Variants in TAGAP observed in about 807,000 individuals in gnomAD.
TAGAP encodes T cell activation RhoGTPase activating protein, also known as T-cell activation Rho GTPase-activating protein.
A neutral mutation model predicts 36.0 loss-of-function variants in TAGAP; 16 were observed. That is an observed-to-expected ratio of 0.44 (90% confidence interval 0.30 to 0.68). The LOEUF (loss-of-function observed/expected upper bound fraction) is 0.68. Among genes scored for constraint, TAGAP ranks in the 30% least tolerant of loss-of-function variants. The pLI, the probability that TAGAP is intolerant of heterozygous loss-of-function variation, is 0.09. For synonymous variants in TAGAP, 372 were observed against 377.4 expected, an observed-to-expected ratio of 0.99 and a Z score of 0.17; for missense variants, 794 against 921.5, an observed-to-expected ratio of 0.86 and a Z score of 1.79.
At position 159,041,152 on chromosome 6, in the gene TAGAP, A is replaced by G. The variant is rs1000953049; in HGVS notation, c.477+202T>C. 4 of 691,404 alleles carry G rather than the reference A, an allele frequency of 5.8e-6. No homozygotes were observed. The highest frequency in any genetic ancestry group is 5.4e-5 in the African/African-American group (3 of 55,484). The allele number at this position is 691,404 out of a possible 1,614,324, so 42.8% of individuals were successfully genotyped here. Reference sequence around the variant, plus strand: ...CTTGGCAAAGTTTTGGGAGAGCAGAATGCATCACTTTCTGTTGGAATCTGA... The same window carrying G: ...CTTGGCAAAGTTTTGGGAGAGCAGAGTGCATCACTTTCTGTTGGAATCTGA... On this transcript the variant is annotated intron_variant, in intron 6 of 9. Coordinates refer to ENST00000367066, the MANE Select transcript of TAGAP (RefSeq NM_054114.5). This position sits in a 1 kb window ranked among gnomAD's most constrained non-coding sequence, Gnocchi z 4.1.
chr6:159,044,318 T>C (rs1779859342), intron 1 of TAGAP, 114 bp from the exon 2 acceptor site: 4 of 625,780 alleles, frequency 6.4e-6, no homozygotes, highest in Non-Finnish European at 1.0e-5. Context: ...TCTCTTTTGC[T>C]ATTTTTTCAC....
intron 1 of TAGAP, 85 bp downstream of exon 1, chr6:159,044,794 G>A (rs1439425723): frequency 2.5e-6 from 1 of 396,570 alleles, no homozygotes; most frequent in African/African-American, 2.1e-5. Context: ...CGGGATAGCT[G>A]TTTTCTGTTG....
In TAGAP at chr6:159,035,945, G is replaced by T; in HGVS notation, c.2078C>A (p.Pro693Gln). 2 of 1,614,196 alleles carry T rather than the reference G, an allele frequency of 1.2e-6. No individual in the cohort carries two copies. The highest frequency in any genetic ancestry group is 1.7e-6 in the Non-Finnish European group (2 of 1,180,020). The stretch of plus-strand genomic sequence containing the variant: ...CACGGACTCGGAGACGGTCCTCAGC[G>T]GGAGGAGCTCAGGTCTCCCTGGGCC... ...VSGPGRPELLPLRTVSESVQR... is the reference protein window; with the variant it reads ...VSGPGRPELLQLRTVSESVQR... The change falls in exon 10 of 10, where the codon CCG (proline) becomes CAG (glutamine). Residue 693 changes from proline to glutamine, a missense_variant. Coordinates refer to ENST00000367066, the MANE Select transcript of TAGAP (RefSeq NM_054114.5).
rs1387920025 is a variant in TAGAP at position 159,036,656 on chromosome 6, A to AC, written c.1366dup (p.Val456GlyfsTer15). 6.2e-7 allele frequency: 1 copy of AC among 1,614,072 alleles called. No individual in the cohort carries two copies. Among genetic ancestry groups the AC allele is most frequent in the South Asian group, 1.1e-5 (1 of 91,080 alleles). ...CGAGCTGCTGGAGAAGGCTTTGAGA[A>AC]CCAGTGCCCGCGGGAGCACCGAACC... On this transcript the variant is annotated frameshift_variant, in exon 10 of 10. Transcript: ENST00000367066. LOFTEE classifies it low-confidence loss of function (END_TRUNC). The surrounding 1 kb of genome is among the most constrained non-coding windows in gnomAD (Gnocchi z 4.9).
In TAGAP at chr6:159,035,888, C is replaced by T. The variant is rs759308422; in HGVS notation, c.2135G>A (p.Arg712Gln). ...QRNKRDCLVRRCSQPVFEADQ... is the reference protein window; with the variant it reads ...QRNKRDCLVRQCSQPVFEADQ... Reference sequence around the variant, plus strand: ...AGCCTCAAAGACCGGCTGGCTACATCGTCGCACGAGACAGTCCCGCTTATT... The same window carrying T: ...AGCCTCAAAGACCGGCTGGCTACATTGTCGCACGAGACAGTCCCGCTTATT... The change falls in exon 10 of 10, where the codon CGA becomes CAA. Residue 712 changes from arginine to glutamine, a missense_variant. Transcript: ENST00000367066. 6.8e-6 allele frequency: 11 copies of T among 1,612,038 alleles called. No individual in the cohort carries two copies. Among genetic ancestry groups the T allele is most frequent in the Admixed American group, 3.3e-5 (2 of 59,978 alleles).
At chr6:159,038,803 C>A in intron 8 of TAGAP, 1 of 794,838 alleles carries the variant, frequency 1.3e-6, no homozygotes, top group Non-Finnish European at 1.7e-6. Context: ...AGTAGTGTCC[C>A]AGATTGATAG....
chr6:159,036,453 G>T lies in TAGAP; in HGVS notation c.1570C>A (p.Leu524Ile). ...APHKKVLTKN[L>I]SAGSGKSQDF... ...TGCGATTTCCCAGAGCCCGCGCTGA[G>T]GTTTTTGGTCAGCACTTTTTTGTGA... Residue 524 changes from leucine (L) to isoleucine (I), a missense_variant, in exon 10 of 10, where the codon CTC becomes ATC. By Grantham distance (5) the Leu-to-Ile change is conservative. Transcript: ENST00000367066. This position sits in a 1 kb window ranked among gnomAD's most constrained non-coding sequence, Gnocchi z 4.9. 6.2e-7 allele frequency: 1 copy of T among 1,614,110 alleles called. No individual in the cohort carries two copies. Among genetic ancestry groups the T allele is most frequent in the Non-Finnish European group, 8.5e-7 (1 of 1,180,016 alleles).
intron 7 of TAGAP, among the ~76,000 whole-genome samples, 191 bp from the exon 8 acceptor site, chr6:159,039,500 G>A (rs566408127): frequency 6.6e-6 from 1 of 152,270 alleles, no homozygotes; most frequent in African/African-American, 2.4e-5. Context: ...TAACCACAAG[G>A]TCTTGAGGAG....
rs1440251486 is a variant in TAGAP, at chr6:159,037,917, G to A, written c.898+197C>T. 6.6e-6 allele frequency among the ~76,000 whole-genome samples: 1 copy of A among 152,152 alleles called. No homozygotes were observed. The highest frequency in any genetic ancestry group is 1.5e-5 in the Non-Finnish European group (1 of 68,024). ...CTGGGAAGGGGGAAAGACTATCTGT[G>A]GTCTGAGGAGGCGCTGCAGGAAAAG... On this transcript the variant is annotated intron_variant, in intron 9 of 9. Coordinates refer to ENST00000367066, the MANE Select transcript of TAGAP (RefSeq NM_054114.5). This position sits in a 1 kb window ranked among gnomAD's most constrained non-coding sequence, Gnocchi z 5.1.
Position 159,036,800 on chromosome 6 carries a change from C to G in TAGAP, c.1223G>C (p.Arg408Pro). 1.2e-6 allele frequency: 2 copies of G among 1,614,212 alleles called. No homozygotes were observed. Among genetic ancestry groups the G allele is most frequent in the Non-Finnish European group, 8.5e-7 (1 of 1,180,036 alleles). ...CTCACTTTCCAAACGAGAGCCTACC[C>G]GGGGCACGGGGAAGTCCCCTTCACT... ...TKSEGDFPVP[R>P]VGSRLESEEA... Residue 408 changes from arginine to proline, a missense_variant, in exon 10 of 10, where the codon CGG (arginine) becomes CCG (proline). Transcript: ENST00000367066. This position sits in a 1 kb window ranked among gnomAD's most constrained non-coding sequence, Gnocchi z 4.9.
chr6:159,037,066 G>A lies in TAGAP; in HGVS notation c.957C>T (p.Ser319=). 6.2e-7 allele frequency: 1 copy of A among 1,612,878 alleles called. No individual in the cohort carries two copies. Among genetic ancestry groups the A allele is most frequent in the Non-Finnish European group, 8.5e-7 (1 of 1,180,036 alleles). ...GAGAGCTGATGCCACTGCTGCTGTT[G>A]GATTCCACATCAGGGTCGTTGCTGT... The part of the protein sequence containing the change: ...AYDSNDPDVE[S]NSSSGISSPS... Residue 319 remains serine (S), a synonymous_variant, in exon 10 of 10, where the codon TCC becomes TCT. Coordinates refer to ENST00000367066, the MANE Select transcript of TAGAP (RefSeq NM_054114.5). This position sits in a 1 kb window ranked among gnomAD's most constrained non-coding sequence, Gnocchi z 5.1.
In TAGAP at chr6:159,044,908, T is replaced by A. The variant is rs1227766185; in HGVS notation, c.-88A>T. 2.5e-6 allele frequency: 1 copy of A among 398,570 alleles called. No homozygotes were observed. Among genetic ancestry groups the A allele is most frequent in the Admixed American group, 4.4e-5 (1 of 22,704 alleles). 24.7% of individuals were successfully genotyped at this position (398,570 alleles called of 1,614,324 possible). Reference sequence around the variant, plus strand: ...GGAGGGTCTCTAGCCAGAGTTCTTTTACATCCGGTGAGCTGTAAAGAATGG... The same window carrying A: ...GGAGGGTCTCTAGCCAGAGTTCTTTAACATCCGGTGAGCTGTAAAGAATGG... On this transcript the variant is annotated 5_prime_UTR_variant, in exon 1 of 10. It removes the in-frame stop codon of an upstream open reading frame in the 5' UTR. Coordinates refer to ENST00000367066, the MANE Select transcript of TAGAP (RefSeq NM_054114.5).
chr6:159,040,788 G>T lies in TAGAP; in HGVS notation c.522C>A (p.Leu174=). Residue 174 remains leucine, a synonymous_variant, in exon 7 of 10, where the codon CTC becomes CTA. Coordinates refer to ENST00000367066, the MANE Select transcript of TAGAP (RefSeq NM_054114.5). ...SIPRKLLSSD[L]FEEWMGALEM... is the part of the protein sequence containing the mutation. ...CCAGAGCACCCATCCACTCCTCAAA[G>T]AGGTCGCTTGAAAGTAGCTTCCGGG... 1 of 1,614,178 alleles carries T rather than the reference G, an allele frequency of 6.2e-7. No individual in the cohort carries two copies. The highest frequency in any genetic ancestry group is 1.1e-5 in the South Asian group (1 of 91,088).
In TAGAP at chr6:159,036,228, C is replaced by T. The variant is rs755749973; in HGVS notation, c.1795G>A (p.Ala599Thr). Residue 599 changes from alanine (A) to threonine (T), a missense_variant, in exon 10 of 10, where the codon GCC becomes ACC. By Grantham distance (58) the Ala-to-Thr change is moderately conservative (BLOSUM62 0). Coordinates refer to ENST00000367066, the MANE Select transcript of TAGAP (RefSeq NM_054114.5). The surrounding 1 kb of genome is among the most constrained non-coding windows in gnomAD (Gnocchi z 4.9). Reference sequence around the variant, plus strand: ...AGTCTGGCTGCCGGGCCCTGCATGGCCTCTTCATAAGAGGGTGGGCTTCCA... The same window carrying T: ...AGTCTGGCTGCCGGGCCCTGCATGGTCTCTTCATAAGAGGGTGGGCTTCCA... ...RPGSPPSYEE[A>T]MQGPAARLVA... 3.7e-6 allele frequency: 6 copies of T among 1,611,734 alleles called. No homozygotes were observed. Among genetic ancestry groups the T allele is most frequent in the South Asian group, 1.1e-5 (1 of 91,062 alleles).
At chr6:159,044,672 A>G (rs1387350704) in intron 1 of TAGAP, among the ~76,000 whole-genome samples, 3 of 152,072 alleles carry the variant, frequency 2.0e-5, no homozygotes, top group Non-Finnish European at 4.4e-5. Context: ...ATGCTAAAAT[A>G]GTAAACATGA....
Position 159,035,729 on chromosome 6 carries a change from G to A in TAGAP, c.*98C>T, listed in dbSNP as rs1195930365. ...GGGCTTTCCACAACTTTCTCAAGGA[G>A]CTTATTCAAGACCTTTTAAAAACAA... On this transcript the variant is annotated 3_prime_UTR_variant, in exon 10 of 10. Coordinates refer to ENST00000367066, the MANE Select transcript of TAGAP (RefSeq NM_054114.5). 3 of 1,274,958 alleles carry A rather than the reference G, an allele frequency of 2.4e-6. No individual in the cohort carries two copies. The highest frequency in any genetic ancestry group is 2.5e-5 in the East Asian group (1 of 40,260). 79.0% of individuals were successfully genotyped at this position (1,274,958 alleles called of 1,614,324 possible).
In TAGAP at chr6:159,035,720, T is replaced by C. The variant is rs1779501893; in HGVS notation, c.*107A>G. ...CACTGAGGAGGGCTTTCCACAACTT[T>C]CTCAAGGAGCTTATTCAAGACCTTT... is the stretch of plus-strand genomic sequence containing the variant. On this transcript the variant is annotated 3_prime_UTR_variant, in exon 10 of 10. Coordinates refer to ENST00000367066, the MANE Select transcript of TAGAP (RefSeq NM_054114.5). The C allele has an allele frequency of 8.3e-7, 1 of 1,210,582 alleles. No individual in the cohort carries two copies. The highest frequency in any genetic ancestry group is 1.5e-5 in the African/African-American group (1 of 65,884). 75.0% of individuals were successfully genotyped at this position (1,210,582 alleles called of 1,614,324 possible).
rs751052061 is a variant in TAGAP at position 159,042,143 on chromosome 6, A to T, written c.250T>A (p.Ser84Thr). The part of the protein sequence containing the change: ...SGALETDLKA[S>T]LFDQPLSIIC... Reference sequence around the variant, plus strand: ...ATTGACAAGGGCTGATCAAATAGCGATGCTTTCAAGTCTGTCTCCAAAGCC... The same window carrying T: ...ATTGACAAGGGCTGATCAAATAGCGTTGCTTTCAAGTCTGTCTCCAAAGCC... The change falls in exon 5 of 10, where the codon TCG becomes ACG. Residue 84 changes from serine to threonine, a missense_variant. Ser to Thr is a moderately conservative substitution (Grantham distance 58). Transcript: ENST00000367066. 1.2e-6 allele frequency: 2 copies of T among 1,614,112 alleles called. No individual in the cohort carries two copies. Among genetic ancestry groups the T allele is most frequent in the Non-Finnish European group, 1.7e-6 (2 of 1,180,048 alleles).
chr6:159,041,402 C>G lies in TAGAP; in HGVS notation c.429G>C (p.Ala143=). Residue 143 remains alanine, a synonymous_variant, in exon 6 of 10, where the codon GCG becomes GCC. Coordinates refer to ENST00000367066, the MANE Select transcript of TAGAP (RefSeq NM_054114.5). This position sits in a 1 kb window ranked among gnomAD's most constrained non-coding sequence, Gnocchi z 4.1. ...ELKEELNSGD[A]VDLERLPVHL... is the part of the protein sequence containing the mutation. ...GCACGGGGAGCCTCTCCAGATCCAC[C>G]GCATCCCCAGAGTTGAGCTCCTCCT... is the stretch of plus-strand genomic sequence containing the variant. The G allele has an allele frequency of 6.2e-7, 1 of 1,614,104 alleles. No homozygotes were observed. Among genetic ancestry groups the G allele is most frequent in the Non-Finnish European group, 8.5e-7 (1 of 1,180,010 alleles).
Sources: allele counts gnomAD v4.1 joint callset (sites outside exome capture counted in the v4.1 genomes callset), GRCh38; gene constraint gnomAD v4.1.1; non-coding constraint Gnocchi (gnomAD v3.1); transcripts MANE v1.5; gene names NCBI Gene and HGNC (gene_info 2026-07-23, HGNC 2026-07-21).